ST18: variants seen among roughly 807,000 people sequenced by gnomAD.
The protein encoded by ST18 is suppression of tumorigenicity 18 protein.
In ST18, 50 loss-of-function variants were observed where a neutral mutation model predicts 110.0. The ratio of observed to expected loss-of-function variants is 0.45; its 90% CI spans 0.36 to 0.58. The LOEUF is 0.58. ST18 is among the 20% of genes least tolerant of loss of function. The probability of loss-of-function intolerance (pLI) is 0.00; values close to 1 mark genes in which losing one functional copy is unlikely to be tolerated. For missense variants in ST18, 1,306 were observed against 1,280.1 expected (o/e 1.02, Z -0.31); for synonymous variants, 461 against 452.4 (o/e 1.02, Z -0.24).
At chr8:52,208,289 A>G (rs1224645119) in intron 8 of ST18, among the ~76,000 whole-genome samples, 1 of 152,234 alleles carries the variant, frequency 6.6e-6, no homozygotes, top group Non-Finnish European at 1.5e-5. Context: ...TTCTCTACAA[A>G]ATAGCCATAA....
chr8:52,293,866 C>T (rs2139394530), intron 2 of ST18, among the ~76,000 whole-genome samples: 1 of 152,250 alleles, frequency 6.6e-6, no homozygotes, highest in Non-Finnish European at 1.5e-5. Context: ...AAGATTATAT[C>T]AATAATTTCT....
intron 15 of ST18, among the ~76,000 whole-genome samples, chr8:52,151,209 C>T (rs191271180): frequency 1.8e-3 from 273 of 152,208 alleles, no homozygotes; most frequent in Admixed American, 3.9e-3. Context: ...CTCCCAACCC[C>T]CAAACAGGCG....
intron 23 of ST18, 48 bp downstream of exon 23, chr8:52,126,004 G>A (rs763264367): frequency 6.7e-7 from 1 of 1,500,794 alleles, no homozygotes; most frequent in East Asian, 2.3e-5. Flanking sequence ...TGGGGAGCCA[G>A]GGTCTACACC....
Position 52,160,761 on chromosome 8 carries a change from C to G in ST18, c.1594+614G>C, listed in dbSNP as rs146823312. On this transcript the variant is annotated intron_variant, in intron 14 of 25. Transcript: ENST00000689386. ...TATACCATATTTGAGTTATGGTCTTCTATATGGATGTGTTAGCATTAAAGA... is the reference window on the plus strand; with the variant it reads ...TATACCATATTTGAGTTATGGTCTTGTATATGGATGTGTTAGCATTAAAGA... Among the ~76,000 whole-genome samples, 196 of 152,308 alleles carry G rather than the reference C, an allele frequency of 1.3e-3. 2 individuals carry two copies. The highest frequency in any genetic ancestry group is 1.1e-3 in the Non-Finnish European group (75 of 68,032).
intron 2 of ST18, chr8:52,407,176 T>C (rs549244169): frequency 6.6e-6 from 1 of 152,350 alleles, no homozygotes; most frequent in Non-Finnish European, 1.5e-5. Flanking sequence ...CCCCTCACGT[T>C]CTTTGGAATT....
chr8:52,137,870 G>A, intron 17 of ST18: 1 of 175,824 alleles, frequency 5.7e-6, no homozygotes, highest in Non-Finnish European at 1.2e-5. Flanking sequence ...GGGAGGCCAA[G>A]GCAGGTGGAT....
intron 17 of ST18, among the ~76,000 whole-genome samples, chr8:52,140,026 G>A (rs887653160): frequency 9.9e-5 from 15 of 152,186 alleles, no homozygotes; most frequent in African/African-American, 1.4e-4. Context: ...CACTGAAACC[G>A]TAAGGAAATT....
At chr8:52,250,321 C>T (rs1308065457) in intron 2 of ST18, among the ~76,000 whole-genome samples, 1 of 151,730 alleles carries the variant, frequency 6.6e-6, no homozygotes, top group East Asian at 1.9e-4. Context: ...GAACTATCTC[C>T]TTTTGCCTGT....
At position 52,351,910 on chromosome 8, in the gene ST18, G is replaced by A. The variant is rs575744410; in HGVS notation, c.-465+57418C>T. The stretch of plus-strand genomic sequence containing the variant: ...TATGCAGTCACAGAGTCTGAGAAGC[G>A]TACTTCAATCATTGGTACAAATGTG... On this transcript the variant is annotated intron_variant, in intron 2 of 25. Transcript: ENST00000689386. Among the ~76,000 whole-genome samples the A allele has an allele frequency of 5.9e-5, 9 of 152,286 alleles. No homozygotes were observed. In the East Asian group the frequency reaches 1.3e-3, roughly 23 times the overall value.
chr8:52,258,581 C>T (rs1269191867), intron 2 of ST18, among the ~76,000 whole-genome samples: 6 of 152,144 alleles, frequency 3.9e-5, no homozygotes, highest in Non-Finnish European at 7.3e-5. Context: ...TGCAGCCTTG[C>T]TAAACTTGGT....
chr8:52,268,514 T>C (rs1479274348), intron 2 of ST18, among the ~76,000 whole-genome samples: 1 of 151,340 alleles, frequency 6.6e-6, no homozygotes, highest in East Asian at 1.9e-4. Context: ...TATCTATTTA[T>C]CTATCTATCT....
At chr8:52,268,693 G>A (rs1451298418) in intron 2 of ST18, among the ~76,000 whole-genome samples, 2 of 152,296 alleles carry the variant, frequency 1.3e-5, no homozygotes, top group Non-Finnish European at 2.9e-5. Flanking sequence ...GCCAAGCTAG[G>A]GGACATAAAA....
intron 2 of ST18, among the ~76,000 whole-genome samples, chr8:52,276,233 C>T (rs1416481255): frequency 2.2e-4 from 1 of 4,540 alleles, no homozygotes; most frequent in Non-Finnish European, 5.6e-4. Context: ...ACACTACACA[C>T]ACCACACACA....
chr8:52,235,960 T>C (rs1294365646), intron 2 of ST18, among the ~76,000 whole-genome samples: 1 of 152,068 alleles, frequency 6.6e-6, no homozygotes, highest in Non-Finnish European at 1.5e-5. Flanking sequence ...GTTCTGAAAA[T>C]ACCAGGAAAT....
intron 2 of ST18, among the ~76,000 whole-genome samples, chr8:52,346,319 T>A (rs1230573302): frequency 6.6e-6 from 1 of 151,512 alleles, no homozygotes; most frequent in Admixed American, 6.6e-5. Flanking sequence ...AATTTTATAT[T>A]ATGTAAAATA....
At chr8:52,271,426 A>C (rs924144294) in intron 2 of ST18, among the ~76,000 whole-genome samples, 1 of 152,154 alleles carries the variant, frequency 6.6e-6, no homozygotes, top group Non-Finnish European at 1.5e-5. Context: ...TGCCATGTTT[A>C]ACATCTAGGG....
At chr8:52,187,166 T>C (rs1183389172) in intron 8 of ST18, among the ~76,000 whole-genome samples, 1 of 152,242 alleles carries the variant, frequency 6.6e-6, no homozygotes, top group Non-Finnish European at 1.5e-5. Flanking sequence ...CTGACTTTAA[T>C]TGTAGGTTCT....
intron 2 of ST18, among the ~76,000 whole-genome samples, chr8:52,389,743 G>A (rs552993391): frequency 6.6e-6 from 1 of 152,320 alleles, no homozygotes; most frequent in South Asian, 2.1e-4. Context: ...GGGCCTTCCT[G>A]CGTCGTGCAG....
In ST18 at chr8:52,131,948, C is replaced by A. The variant is rs1336043508; in HGVS notation, c.2666+10G>T. Reference sequence around the variant, plus strand: ...AACACTACAACAAAAAGACAGAAAACTCATGTTACCTTCGGTGGGTGACAA... The same window carrying A: ...AACACTACAACAAAAAGACAGAAAAATCATGTTACCTTCGGTGGGTGACAA... On this transcript the variant is annotated intron_variant, in intron 22 of 25. Coordinates refer to ENST00000689386, the MANE Select transcript of ST18 (RefSeq NM_001352837.2). 1.9e-6 allele frequency: 3 copies of A among 1,613,392 alleles called. No individual in the cohort carries two copies. Among genetic ancestry groups the A allele is most frequent in the Non-Finnish European group, 2.5e-6 (3 of 1,179,678 alleles).
Sources: allele counts gnomAD v4.1 joint callset (sites outside exome capture counted in the v4.1 genomes callset), GRCh38; gene constraint gnomAD v4.1.1; transcripts MANE v1.5; gene names NCBI Gene and HGNC (gene_info 2026-07-23, HGNC 2026-07-21).